INVS: variants seen among roughly 807,000 people sequenced by gnomAD.
The protein encoded by INVS is inversin.
A neutral mutation model predicts 108.8 loss-of-function variants in INVS; 86 were observed. The observed-to-expected ratio is 0.79, with a 90% CI of 0.66 to 0.95. The LOEUF is 0.95. Among genes scored for constraint, INVS ranks in the 40% least tolerant of loss-of-function variants. INVS has a pLI of 0.00. For synonymous variants in INVS, 455 were observed against 473.5 expected, an observed-to-expected ratio of 0.96 and a Z score of 0.51; for missense variants, 1,169 against 1,297.4, an observed-to-expected ratio of 0.90 and a Z score of 1.52.
chr9:100,288,119 C>T (rs1833501303), intron 13 of INVS, among the ~76,000 whole-genome samples: 1 of 152,166 alleles, frequency 6.6e-6, no homozygotes, highest in Non-Finnish European at 1.5e-5. Flanking sequence ...TCACATTTTA[C>T]CAGGGCCCCT....
intron 3 of INVS, among the ~76,000 whole-genome samples, chr9:100,192,978 C>CTTTTTTTTT (rs59924532): frequency 1.5e-5 from 2 of 136,974 alleles, no homozygotes; most frequent in African/African-American, 5.4e-5. Flanking sequence ...ATACCAATGT[C>CTTTTTTTTT]TTTTTTTTTT....
chr9:100,117,281 G>T, intron 2 of INVS: 1 of 734,972 alleles, frequency 1.4e-6, no homozygotes, highest in Admixed American at 1.9e-5. Flanking sequence ...GCTCTGGCCA[G>T]CACGGGTCTG....
intron 3 of INVS, among the ~76,000 whole-genome samples, chr9:100,163,923 G>A (rs1829273408): frequency 6.9e-6 from 1 of 144,726 alleles, no homozygotes; most frequent in Non-Finnish European, 1.5e-5. Context: ...TTATTGAAGT[G>A]TTTGAGCACA....
chr9:100,235,666 T>C lies in INVS; in HGVS notation c.616-4394T>C, dbSNP rs7863074. Among the ~76,000 whole-genome samples, 595 of 152,338 alleles carry C rather than the reference T, an allele frequency of 3.9e-3. 4 individuals are homozygous for C. The highest frequency in any genetic ancestry group is 0.014 in the African/African-American group (577 of 41,582). On this transcript the variant is annotated intron_variant, in intron 5 of 16. Coordinates refer to ENST00000262457, the MANE Select transcript of INVS (RefSeq NM_014425.5). Reference sequence around the variant, plus strand: ...ATATGAAATTCTGAGTTGAAAATTCTTTTCTTTAAGAATGTTGAATATTGG... The same window carrying C: ...ATATGAAATTCTGAGTTGAAAATTCCTTTCTTTAAGAATGTTGAATATTGG...
intron 2 of INVS, among the ~76,000 whole-genome samples, chr9:100,118,849 T>TG (rs1827636231): frequency 6.6e-6 from 1 of 151,784 alleles, no homozygotes; most frequent in Non-Finnish European, 1.5e-5. Context: ...TTAGTAGAGA[T>TG]GGGGTTTCAC....
intron 1 of INVS, among the ~76,000 whole-genome samples, chr9:100,100,605 A>T (rs1401410565): frequency 6.7e-5 from 6 of 90,014 alleles, no homozygotes; most frequent in South Asian, 2.7e-4. Flanking sequence ...TGTACATATA[A>T]TATATATAAT....
intron 2 of INVS, among the ~76,000 whole-genome samples, chr9:100,115,411 C>T (rs1224662074): frequency 1.3e-5 from 2 of 151,976 alleles, no homozygotes. Flanking sequence ...CCCATTAACT[C>T]GTCATTTACA....
chr9:100,185,515 AAAT>A (rs1345188802), intron 3 of INVS, among the ~76,000 whole-genome samples: 1 of 93,556 alleles, frequency 1.1e-5, no homozygotes, highest in Non-Finnish European at 2.1e-5. Context: ...ATATGCATAG[AAAT>A]ATATATATAT....
At chr9:100,113,020 G>A (rs1320277068) in intron 2 of INVS, among the ~76,000 whole-genome samples, 1 of 152,178 alleles carries the variant, frequency 6.6e-6, no homozygotes. Context: ...AAGACAACTA[G>A]AGACTAGTCT....
intron 5 of INVS, among the ~76,000 whole-genome samples, chr9:100,235,503 C>T (rs1249780091): frequency 6.6e-6 from 1 of 152,032 alleles, no homozygotes; most frequent in East Asian, 1.9e-4. Context: ...TGGCTGGTAC[C>T]AGTTTTTCCT....
intron 10 of INVS, among the ~76,000 whole-genome samples, chr9:100,258,613 T>A (rs527978698): frequency 1.4e-4 from 21 of 152,352 alleles, no homozygotes; most frequent in African/African-American, 5.0e-4. Context: ...ATGTCCTTTC[T>A]GTTTGTTAGT....
chr9:100,195,140 C>A (rs963547500), intron 3 of INVS, among the ~76,000 whole-genome samples: 7 of 152,136 alleles, frequency 4.6e-5, no homozygotes, highest in African/African-American at 1.7e-4. Flanking sequence ...AGGGTCTAGT[C>A]TCACAAAACA....
chr9:100,294,120 A>G (rs1412392518), intron 14 of INVS, among the ~76,000 whole-genome samples: 1 of 152,192 alleles, frequency 6.6e-6, no homozygotes, highest in African/African-American at 2.4e-5. Context: ...GTGAGCCATC[A>G]CCATGCCACA....
intron 3 of INVS, among the ~76,000 whole-genome samples, chr9:100,203,221 C>T (rs1458076603): frequency 6.6e-6 from 1 of 151,990 alleles, no homozygotes; most frequent in African/African-American, 2.4e-5. Flanking sequence ...TTTTTAAATG[C>T]TTGCTTCAAA....
intron 2 of INVS, among the ~76,000 whole-genome samples, chr9:100,112,203 C>G (rs1249172305): frequency 6.6e-6 from 1 of 152,118 alleles, no homozygotes; most frequent in Admixed American, 6.5e-5. Context: ...AACTCCTGAC[C>G]TCAGGTGATC....
Position 100,302,023 on chromosome 9 carries a change from TC to T in INVS, c.*1350del, listed in dbSNP as rs1165298141. On this transcript the variant is annotated 3_prime_UTR_variant, in exon 17 of 17. Coordinates refer to ENST00000262457, the MANE Select transcript of INVS (RefSeq NM_014425.5). Reference sequence around the variant, plus strand: ...CTAGTCCGGGAAGCCAGCCTACACATCAATAGGAACGCCCAAACATTATTTT... The same window carrying T: ...CTAGTCCGGGAAGCCAGCCTACACATAATAGGAACGCCCAAACATTATTTT... 1 of 492,308 alleles carries T rather than the reference TC, an allele frequency of 2.0e-6. No homozygotes were observed. The highest frequency in any genetic ancestry group is 3.6e-6 in the Non-Finnish European group (1 of 278,998). 30.5% of individuals were successfully genotyped at this position (492,308 alleles called of 1,614,324 possible).
chr9:100,222,385 T>A (rs1831178112), intron 3 of INVS, among the ~76,000 whole-genome samples: 1 of 152,160 alleles, frequency 6.6e-6, no homozygotes, highest in Non-Finnish European at 1.5e-5. Flanking sequence ...TCTGTGAAAA[T>A]GTTTGATGAT....
At chr9:100,258,796 C>T (rs141005434) in intron 10 of INVS, among the ~76,000 whole-genome samples, 2 of 152,292 alleles carry the variant, frequency 1.3e-5, no homozygotes, top group East Asian at 1.9e-4. Flanking sequence ...CTCAGAGGGG[C>T]AACTGGCTGT....
At chr9:100,180,274 A>G (rs1237803441) in intron 3 of INVS, among the ~76,000 whole-genome samples, 1 of 152,160 alleles carries the variant, frequency 6.6e-6, no homozygotes, top group Non-Finnish European at 1.5e-5. Flanking sequence ...AGAAATAACT[A>G]AGATCAGAGC....
Sources: gnomAD v4.1 joint callset for allele counts (sites outside exome capture counted in the v4.1 genomes callset) on GRCh38, gnomAD v4.1.1 for gene constraint, MANE v1.5 for transcripts, NCBI Gene and HGNC (gene_info 2026-07-23, HGNC 2026-07-21) for gene names.